The following PSD3 variants were observed in gnomAD, a reference collection of about 807,000 sequenced individuals.
The protein encoded by PSD3 is pleckstrin and Sec7 domain containing 3, also known as PH and SEC7 domain-containing protein 3.
In PSD3, 49 loss-of-function variants were observed where a neutral mutation model predicts 105.5. That is an observed-to-expected ratio of 0.46 (90% CI 0.37 to 0.59). PSD3 has a LOEUF of 0.59. Ranked by LOEUF, PSD3 falls within the 20% of genes least tolerant of loss-of-function variation. The pLI, the probability that PSD3 is intolerant of heterozygous loss-of-function variation, is 0.00. For missense variants in PSD3, 1,561 were observed against 1,263.8 expected (o/e 1.24, Z -3.57); for synonymous variants, 557 against 457.8 (o/e 1.22, Z -2.77).
intron 4 of PSD3, among the ~76,000 whole-genome samples, chr8:18,856,473 A>G (rs1563350075): frequency 6.6e-6 from 1 of 152,244 alleles, no homozygotes. Context: ...GTAGCGAAGT[A>G]TAACACTATT....
chr8:18,617,897 G>C (rs976487217), intron 11 of PSD3, among the ~76,000 whole-genome samples: 30 of 152,026 alleles, frequency 2.0e-4, no homozygotes, highest in Admixed American at 5.2e-4. Context: ...CATTTTCTTT[G>C]ACATATTTTG....
At chr8:18,572,798 T>A in intron 13 of PSD3, 126 bp from the exon 14 acceptor site, 1 of 1,100,300 alleles carries the variant, frequency 9.1e-7, no homozygotes, top group South Asian at 1.6e-5. Flanking sequence ...GTACAACTAA[T>A]CCCTGACAAA....
chr8:18,795,753 G>C (rs1363264770), intron 8 of PSD3, among the ~76,000 whole-genome samples: 1 of 152,204 alleles, frequency 6.6e-6, no homozygotes, highest in Non-Finnish European at 1.5e-5. Flanking sequence ...GTAGGAAACA[G>C]AACGCATTTG....
At chr8:18,593,704 G>C (rs1803787093) in intron 12 of PSD3, among the ~76,000 whole-genome samples, 1 of 152,042 alleles carries the variant, frequency 6.6e-6, no homozygotes, top group African/African-American at 2.4e-5. Context: ...ACTCACAATA[G>C]CAAAGACTTG....
At chr8:18,844,964 A>G (rs531452324) in intron 4 of PSD3, among the ~76,000 whole-genome samples, 11 of 152,340 alleles carry the variant, frequency 7.2e-5, no homozygotes, top group African/African-American at 2.6e-4. Flanking sequence ...CTTTGCACTA[A>G]AATCTGGGAA....
At chr8:18,714,645 G>A (rs1802471458) in intron 9 of PSD3, among the ~76,000 whole-genome samples, 1 of 152,194 alleles carries the variant, frequency 6.6e-6, no homozygotes, top group Non-Finnish European at 1.5e-5. Context: ...TGCTGGTGAG[G>A]CTTTGGAAAA....
intron 10 of PSD3, among the ~76,000 whole-genome samples, chr8:18,634,249 G>C (rs931525449): frequency 2.6e-5 from 4 of 151,958 alleles, no homozygotes; most frequent in African/African-American, 9.7e-5. Flanking sequence ...ACGGTAATCA[G>C]AGAAAAACAG....
chr8:18,619,816 A>G (rs906358583), intron 11 of PSD3, among the ~76,000 whole-genome samples: 16 of 152,160 alleles, frequency 1.1e-4, no homozygotes, highest in African/African-American at 2.2e-4. Context: ...AGCAATCACA[A>G]TATTTTACCC....
intron 8 of PSD3, among the ~76,000 whole-genome samples, chr8:18,790,433 G>A (rs938049233): frequency 2.1e-4 from 32 of 151,076 alleles, no homozygotes; most frequent in Admixed American, 2.1e-3. Flanking sequence ...CTCCCAAGTA[G>A]CTGGGACTAC....
intron 1 of PSD3, among the ~76,000 whole-genome samples, chr8:19,064,524 A>G (rs919368368): frequency 6.6e-6 from 1 of 151,174 alleles, no homozygotes; most frequent in East Asian, 1.9e-4. Context: ...TGTGTTAGGG[A>G]CATTCCAATG....
At chr8:18,570,821 C>A (rs1206392586) in intron 14 of PSD3, among the ~76,000 whole-genome samples, 1 of 148,676 alleles carries the variant, frequency 6.7e-6, no homozygotes, top group Admixed American at 6.8e-5. Flanking sequence ...AAAATGTGAT[C>A]ACATTACTGT....
intron 3 of PSD3, among the ~76,000 whole-genome samples, chr8:18,871,312 G>A (rs1400596535): frequency 2.6e-5 from 4 of 152,098 alleles, no homozygotes; most frequent in African/African-American, 9.7e-5. Flanking sequence ...CCTTGACGTT[G>A]GGAAACTTGA....
chr8:18,891,092 C>T (rs1818756688), intron 2 of PSD3, among the ~76,000 whole-genome samples: 2 of 152,170 alleles, frequency 1.3e-5, no homozygotes, highest in Admixed American at 6.5e-5. Flanking sequence ...TGCTACATCA[C>T]ACACACCCAA....
chr8:18,971,106 C>T (rs1824624070), intron 1 of PSD3, among the ~76,000 whole-genome samples: 1 of 152,130 alleles, frequency 6.6e-6, no homozygotes, highest in African/African-American at 2.4e-5. Flanking sequence ...GAAAAAACCC[C>T]AGAATCCTAG....
At chr8:18,795,273 C>T (rs1317910030) in intron 8 of PSD3, among the ~76,000 whole-genome samples, 1 of 152,126 alleles carries the variant, frequency 6.6e-6, no homozygotes, top group African/African-American at 2.4e-5. Context: ...GCATGATACT[C>T]AACATGCTCT....
intron 1 of PSD3, among the ~76,000 whole-genome samples, chr8:18,964,190 T>C (rs910130588): frequency 2.6e-5 from 4 of 152,214 alleles, no homozygotes; most frequent in Non-Finnish European, 4.4e-5. Flanking sequence ...AATGGTGTGA[T>C]CATGGCTCAA....
chr8:18,764,775 A>T (rs181893966), intron 9 of PSD3, among the ~76,000 whole-genome samples: 47 of 152,324 alleles, frequency 3.1e-4, no homozygotes, highest in African/African-American at 1.1e-3. Flanking sequence ...AGACAACTGT[A>T]AAAACCACAT....
intron 1 of PSD3, among the ~76,000 whole-genome samples, chr8:19,078,941 G>A (rs896794771): frequency 4.0e-5 from 6 of 150,766 alleles, no homozygotes; most frequent in African/African-American, 1.5e-4. Context: ...TATTGGAGTT[G>A]CATTGAGCCC....
chr8:18,856,866 A>AG (rs1816051555), intron 4 of PSD3, among the ~76,000 whole-genome samples: 1 of 152,350 alleles, frequency 6.6e-6, no homozygotes, highest in East Asian at 1.9e-4. Flanking sequence ...TACTGATAAT[A>AG]GCCAACATTT....
Sources: allele counts gnomAD v4.1 joint callset (sites outside exome capture counted in the v4.1 genomes callset), GRCh38; gene constraint gnomAD v4.1.1; transcripts MANE v1.5; gene names NCBI Gene and HGNC (gene_info 2026-07-23, HGNC 2026-07-21).